Variants in KATNIP observed in about 807,000 individuals in gnomAD.
KATNIP encodes the protein katanin interacting protein.
KATNIP carries 126 observed loss-of-function variants against 174.0 expected under a neutral mutation model. That is an observed-to-expected ratio of 0.72 (90% confidence interval 0.63 to 0.84). The LOEUF (loss-of-function observed/expected upper bound fraction) is 0.84, where lower values mean the gene tolerates loss of function less well. Ranked by LOEUF, KATNIP falls within the 40% of genes least tolerant of loss-of-function variation. The pLI is 0.00. For missense variants in KATNIP, 1,958 were observed against 2,109.7 expected, an observed-to-expected ratio of 0.93 and a Z score of 1.41; for synonymous variants, 810 against 835.7, an observed-to-expected ratio of 0.97 and a Z score of 0.53.
chr16:27,605,350 T>C (rs537630510), intron 2 of KATNIP, among the ~76,000 whole-genome samples: 4 of 152,350 alleles, frequency 2.6e-5, no homozygotes, highest in East Asian at 3.9e-4. Context: ...TATTTTCCAC[T>C]GGACATGGAT....
intron 17 of KATNIP, 76 bp from the exon 18 acceptor site, chr16:27,754,097 A>C (rs1404856013): frequency 2.7e-5 from 34 of 1,271,774 alleles, no homozygotes; most frequent in Non-Finnish European, 3.7e-5. Flanking sequence ...GTAAATGCAG[A>C]AACAGCCAGC....
At chr16:27,691,224 C>T (rs1187888104) in intron 8 of KATNIP, among the ~76,000 whole-genome samples, 2 of 152,192 alleles carry the variant, frequency 1.3e-5, no homozygotes, top group East Asian at 1.9e-4. Flanking sequence ...CGTGCCCTCA[C>T]GTCTTCTGTG....
intron 6 of KATNIP, among the ~76,000 whole-genome samples, chr16:27,655,177 G>GAT (rs869205308): frequency 4.4e-3 from 170 of 38,492 alleles, no homozygotes; most frequent in Non-Finnish European, 6.6e-3. Context: ...CCCTAGAATG[G>GAT]ATATATATAT....
chr16:27,654,683 C>A, intron 6 of KATNIP: 1 of 1,351,842 alleles, frequency 7.4e-7, no homozygotes, highest in South Asian at 1.1e-5. Context: ...ACATTCTGAC[C>A]CTTCAAGCAG....
At chr16:27,721,463 C>T in intron 13 of KATNIP, 95 bp from the exon 14 acceptor site, 1 of 1,477,104 alleles carries the variant, frequency 6.8e-7, no homozygotes, top group Non-Finnish European at 9.4e-7. Flanking sequence ...CACCAGGCCT[C>T]TCCTGGTTTT....
intron 6 of KATNIP, among the ~76,000 whole-genome samples, chr16:27,657,078 T>G (rs1407427743): frequency 6.6e-6 from 1 of 152,130 alleles, no homozygotes; most frequent in Non-Finnish European, 1.5e-5. Flanking sequence ...TTAGATAATA[T>G]TGTATTGATG....
intron 6 of KATNIP, among the ~76,000 whole-genome samples, chr16:27,673,426 G>A (rs897214611): frequency 6.6e-6 from 1 of 152,204 alleles, no homozygotes; most frequent in Non-Finnish European, 1.5e-5. Flanking sequence ...GAAGACATAA[G>A]CCATGACCTC....
intron 14 of KATNIP, among the ~76,000 whole-genome samples, chr16:27,734,888 T>C (rs893888565): frequency 6.6e-6 from 1 of 152,196 alleles, no homozygotes. Flanking sequence ...TGTGTGACCT[T>C]GGGGAAGGCA....
intron 13 of KATNIP, chr16:27,718,341 G>A (rs2080052252): frequency 6.6e-6 from 1 of 152,244 alleles, no homozygotes; most frequent in Non-Finnish European, 1.5e-5. Flanking sequence ...TACCCCCTGT[G>A]TTGGGGAGGG....
intron 18 of KATNIP, chr16:27,757,568 G>T (rs1204293267): frequency 1.0e-6 from 1 of 978,460 alleles, no homozygotes; most frequent in Non-Finnish European, 1.2e-6. Context: ...GTGCCTTTGG[G>T]AATTTGGCCC....
intron 24 of KATNIP, among the ~76,000 whole-genome samples, chr16:27,775,550 TC>T (rs1322646397): frequency 6.6e-6 from 1 of 152,234 alleles, no homozygotes; most frequent in East Asian, 1.9e-4. Flanking sequence ...ATTGGCCTGG[TC>T]AGCTCTTCCG....
chr16:27,555,492 A>C (rs1374481527), intron 1 of KATNIP, among the ~76,000 whole-genome samples: 1 of 152,186 alleles, frequency 6.6e-6, no homozygotes, highest in African/African-American at 2.4e-5. Context: ...AATGAAGCCT[A>C]CCTTGTTTTG....
Position 27,749,720 on chromosome 16 carries a change from G to A in KATNIP, c.2760G>A (p.Pro920=), listed in dbSNP as rs146341012. 1.3e-4 allele frequency: 207 copies of A among 1,613,090 alleles called. No individual in the cohort carries two copies. Among genetic ancestry groups the A allele is most frequent in the Non-Finnish European group, 1.6e-4 (184 of 1,179,540 alleles). ...GACGCATCTCCAACACGGAGCTCCC[G>A]GGGGACATCCTGGATGAGCTCCTGC... ...HRGRISNTEL[P]GDILDELLQQ... Residue 920 remains proline (P), a synonymous_variant, in exon 16 of 28, where the codon CCG becomes CCA. Coordinates refer to ENST00000261588, the MANE Select transcript of KATNIP (RefSeq NM_015202.5).
chr16:27,569,517 C>T (rs2090209869), intron 1 of KATNIP, among the ~76,000 whole-genome samples: 1 of 152,238 alleles, frequency 6.6e-6, no homozygotes, highest in Admixed American at 6.5e-5. Context: ...GGAACACCCC[C>T]TTAATTTTGC....
chr16:27,584,858 G>A (rs1014463522), intron 2 of KATNIP, among the ~76,000 whole-genome samples: 2 of 152,168 alleles, frequency 1.3e-5, no homozygotes, highest in Non-Finnish European at 2.9e-5. Context: ...ATAAGGCAAG[G>A]AATATTATCC....
chr16:27,713,438 T>G (rs934608548), intron 13 of KATNIP, among the ~76,000 whole-genome samples: 9 of 151,896 alleles, frequency 5.9e-5, no homozygotes, highest in Admixed American at 3.9e-4. Context: ...TGGAGATAAT[T>G]GAATCATGGG....
intron 11 of KATNIP, 127 bp downstream of exon 11, chr16:27,701,822 T>A (rs746189809): frequency 7.5e-6 from 5 of 670,974 alleles, no homozygotes; most frequent in Non-Finnish European, 1.3e-5. Context: ...TAAGATGGAA[T>A]CTTGCTCTGT....
chr16:27,766,167 A>C (rs1597407223), intron 19 of KATNIP, 142 bp from the exon 20 acceptor site: 1 of 727,830 alleles, frequency 1.4e-6, no homozygotes. Context: ...CAGCAGTCAC[A>C]CCTCCCCTTA....
intron 14 of KATNIP, among the ~76,000 whole-genome samples, chr16:27,739,353 C>T (rs2081018027): frequency 6.6e-6 from 1 of 152,226 alleles, no homozygotes; most frequent in East Asian, 1.9e-4. Flanking sequence ...CTTGGAGTGC[C>T]GCAGAGGGCC....
Sources: allele counts gnomAD v4.1 joint callset (sites outside exome capture counted in the v4.1 genomes callset), GRCh38; gene constraint gnomAD v4.1.1; transcripts MANE v1.5; gene names NCBI Gene and HGNC (gene_info 2026-07-23, HGNC 2026-07-21).